Variants in SNAP23 observed in about 807,000 individuals in gnomAD.
SNAP23 encodes synaptosomal-associated protein 23.
SNAP23 carries 11 observed loss-of-function variants against 29.0 expected under a neutral mutation model. The observed-to-expected ratio is 0.38, with a 90% confidence interval of 0.24 to 0.63. The LOEUF (loss-of-function observed/expected upper bound fraction) is 0.63. SNAP23 is among the 20% of genes least tolerant of loss of function. SNAP23 has a pLI of 0.58. For synonymous variants in SNAP23, 60 were observed against 82.9 expected (o/e 0.72, Z 1.50); for missense variants, 220 against 253.9 (o/e 0.87, Z 0.91).
chr15:42,492,257 C>G (rs1305811701), upstream of SNAP23, among the ~76,000 whole-genome samples: 1 of 152,040 alleles, frequency 6.6e-6, no homozygotes, highest in East Asian at 1.9e-4. Flanking sequence ...CCCTCAGAAA[C>G]CTAATTTTAG....
chr15:42,519,598 G>C (rs1341491660), intron 5 of SNAP23, among the ~76,000 whole-genome samples: 2 of 151,888 alleles, frequency 1.3e-5, no homozygotes, highest in Non-Finnish European at 2.9e-5. Context: ...TTGAACTCCT[G>C]ACCTCAAGTG....
chr15:42,503,917 G>A (rs1008447640), intron 1 of SNAP23, among the ~76,000 whole-genome samples: 1 of 152,164 alleles, frequency 6.6e-6, no homozygotes, highest in South Asian at 2.1e-4. Context: ...AAAAAAATAT[G>A]TATGTATATT....
chr15:42,530,161 C>G (rs568157653), intron 7 of SNAP23, among the ~76,000 whole-genome samples: 1 of 152,254 alleles, frequency 6.6e-6, no homozygotes, highest in South Asian at 2.1e-4. Flanking sequence ...GGGTCTTGCT[C>G]TGTCGCCTAG....
intron 5 of SNAP23, among the ~76,000 whole-genome samples, chr15:42,516,767 G>T (rs2057400241): frequency 6.6e-6 from 1 of 152,202 alleles, no homozygotes. Flanking sequence ...TGCCATTTCT[G>T]TTATAGAAAG....
At chr15:42,523,803 GTTT>G (rs1158659807) in intron 5 of SNAP23, among the ~76,000 whole-genome samples, 1 of 148,398 alleles carries the variant, frequency 6.7e-6, no homozygotes, top group African/African-American at 2.6e-5. Flanking sequence ...TTTGTTTTTT[GTTT>G]TTTGTTTGTT....
upstream of SNAP23, chr15:42,492,824 G>C (rs1036083390): frequency 6.6e-6 from 1 of 152,202 alleles, no homozygotes; most frequent in African/African-American, 2.4e-5. Context: ...AACACTCAAG[G>C]GTTGTGGTAC....
intron 1 of SNAP23, among the ~76,000 whole-genome samples, chr15:42,496,492 G>A (rs1313373866): frequency 6.6e-6 from 1 of 152,128 alleles, no homozygotes; most frequent in South Asian, 2.1e-4. Flanking sequence ...CGAGGAGAGA[G>A]GATCATATGA....
intron 2 of SNAP23, chr15:42,512,112 T>C: frequency 3.1e-6 from 1 of 327,434 alleles, no homozygotes; most frequent in Non-Finnish European, 5.6e-6. Context: ...TTTTATTTTT[T>C]AGGTAATTAT....
chr15:42,503,038 C>T (rs2057287541), intron 1 of SNAP23, among the ~76,000 whole-genome samples: 1 of 152,170 alleles, frequency 6.6e-6, no homozygotes, highest in South Asian at 2.1e-4. Context: ...ATCCTCCTGC[C>T]TCAGCTTCCT....
At chr15:42,501,041 C>A (rs2057265579) in intron 1 of SNAP23, among the ~76,000 whole-genome samples, 1 of 152,100 alleles carries the variant, frequency 6.6e-6, no homozygotes, top group African/African-American at 2.4e-5. Flanking sequence ...GATGGCCTTT[C>A]AATACTTATA....
chr15:42,507,887 A>T (rs1040128110), intron 1 of SNAP23, among the ~76,000 whole-genome samples: 1 of 147,594 alleles, frequency 6.8e-6, no homozygotes, highest in Non-Finnish European at 1.5e-5. Flanking sequence ...ACTTATAGGT[A>T]AATTTTTTTT....
At chr15:42,502,234 C>T (rs2057278073) in intron 1 of SNAP23, among the ~76,000 whole-genome samples, 1 of 151,994 alleles carries the variant, frequency 6.6e-6, no homozygotes, top group African/African-American at 2.4e-5. Context: ...CCTTGTTAGC[C>T]AGGATGGTCT....
rs760178215 is a variant in SNAP23 at position 42,515,269 on chromosome 15, CAAAT to C, written c.188_191del (p.Asn63ArgfsTer3). 6.2e-7 allele frequency: 1 copy of C among 1,610,708 alleles called. No individual in the cohort carries two copies. ...AAACCGCATAGAAGAAGGCTTGGAC[CAAAT>C]AAATAAGGACATGAGAGAGACAGAG... On this transcript the variant is annotated frameshift_variant, in exon 5 of 8. Transcript: ENST00000249647. LOFTEE classifies it high-confidence loss of function.
intron 5 of SNAP23, among the ~76,000 whole-genome samples, chr15:42,524,804 A>T (rs1382747921): frequency 6.6e-6 from 1 of 152,166 alleles, no homozygotes; most frequent in African/African-American, 2.4e-5. Context: ...AACATTTTTT[A>T]TTTTATTAAC....
chr15:42,528,049 T>C (rs141891470), intron 5 of SNAP23: 19 of 470,508 alleles, frequency 4.0e-5, no homozygotes, highest in African/African-American at 3.3e-4. Context: ...TTTGGACCTT[T>C]TTAAAATTTT....
chr15:42,509,814 A>G lies in SNAP23; in HGVS notation c.-14-2019A>G, dbSNP rs568606970. On this transcript the variant is annotated intron_variant, in intron 1 of 7. Transcript: ENST00000249647. Reference sequence around the variant, plus strand: ...CCAGGCACGGTGGCTCAGGCCTGCAATCTGGGCACTTTGGGAGGCTGAGGT... The same window carrying G: ...CCAGGCACGGTGGCTCAGGCCTGCAGTCTGGGCACTTTGGGAGGCTGAGGT... Among the ~76,000 whole-genome samples, 20 of 152,252 alleles carry G rather than the reference A, an allele frequency of 1.3e-4. No homozygotes were observed. In the East Asian group the frequency reaches 2.9e-3, roughly 22 times the overall value.
intron 5 of SNAP23, among the ~76,000 whole-genome samples, chr15:42,526,011 A>C (rs1319412016): frequency 1.3e-5 from 2 of 152,180 alleles, no homozygotes; most frequent in Non-Finnish European, 2.9e-5. Context: ...ACCCAAGGTC[A>C]TGTCCCAGTC....
At position 42,521,878 on chromosome 15, in the gene SNAP23, G is replaced by A. The variant is rs540426432; in HGVS notation, c.267-6384G>A. ...ACCTTAATTTATAATACCATCCTTT[G>A]ACAAATGTCTCTGATAACTAAGTTT... On this transcript the variant is annotated intron_variant, in intron 5 of 7. Transcript: ENST00000249647. 1.1e-5 allele frequency: 4 copies of A among 368,402 alleles called. No homozygotes were observed. The East Asian group carries it at 1.8e-4, about 16-fold the overall frequency. 22.8% of individuals were successfully genotyped at this position (368,402 alleles called of 1,614,324 possible).
At position 42,531,675 on chromosome 15, in the gene SNAP23, G is replaced by T. The variant is rs377127825; in HGVS notation, c.*197G>T. The T allele has an allele frequency of 1.8e-5, 8 of 438,002 alleles. No homozygotes were observed. The South Asian group carries it at 2.1e-4, about 11-fold the overall frequency. 27.1% of individuals were successfully genotyped at this position (438,002 alleles called of 1,614,324 possible). ...CGACTGCTGCTCTGCCTTCCTTCTA[G>T]TATTTTCTTTCTCAATTCATACGCT... is the stretch of plus-strand genomic sequence containing the variant. On this transcript the variant is annotated 3_prime_UTR_variant, in exon 8 of 8. Coordinates refer to ENST00000249647, the MANE Select transcript of SNAP23 (RefSeq NM_003825.4).
Sources: allele counts gnomAD v4.1 joint callset (sites outside exome capture counted in the v4.1 genomes callset), GRCh38; gene constraint gnomAD v4.1.1; transcripts MANE v1.5; gene names NCBI Gene and HGNC (gene_info 2026-07-23, HGNC 2026-07-21).